Variants in DLG2 observed in about 807,000 individuals in gnomAD.
The protein encoded by DLG2 is disks large homolog 2.
Under a neutral mutation model 132.5 loss-of-function variants are expected in DLG2, and 45 were observed. The ratio of observed to expected loss-of-function variants is 0.34; its 90% CI spans 0.27 to 0.44. DLG2 has a LOEUF of 0.44. Among genes scored for constraint, DLG2 ranks in the 20% least tolerant of loss-of-function variants. DLG2 has a pLI of 1.00. For missense variants in DLG2, 1,045 were observed against 1,196.9 expected, an observed-to-expected ratio of 0.87 and a Z score of 1.87; for synonymous variants, 424 against 419.6, an observed-to-expected ratio of 1.01 and a Z score of -0.13.
chr11:85,593,086 A>T (rs994248228), intron 3 of DLG2, among the ~76,000 whole-genome samples: 4 of 152,192 alleles, frequency 2.6e-5, no homozygotes, highest in Non-Finnish European at 4.4e-5. Context: ...ACTATATTTT[A>T]AAAAGAAAAT....
chr11:85,075,146 A>C (rs867295597), intron 6 of DLG2, among the ~76,000 whole-genome samples: 1 of 151,942 alleles, frequency 6.6e-6, no homozygotes, highest in Non-Finnish European at 1.5e-5. Flanking sequence ...GTACAAATTA[A>C]AAACTTGTAT....
chr11:84,060,799 G>C (rs1003071266), intron 10 of DLG2, among the ~76,000 whole-genome samples: 1 of 151,850 alleles, frequency 6.6e-6, no homozygotes, highest in African/African-American at 2.4e-5. Flanking sequence ...GGCCTCCTTT[G>C]CTTGATGCTT....
intron 6 of DLG2, among the ~76,000 whole-genome samples, chr11:84,698,025 C>T (rs73513149): frequency 6.6e-6 from 1 of 151,302 alleles, no homozygotes; most frequent in Admixed American, 6.6e-5. Context: ...TAATGTCTAC[C>T]ATCAAAGAAG....
chr11:85,496,351 A>G (rs1231648090), intron 3 of DLG2, among the ~76,000 whole-genome samples: 1 of 152,062 alleles, frequency 6.6e-6, no homozygotes, highest in Non-Finnish European at 1.5e-5. Context: ...CAAAGGGAGG[A>G]GCATCCACCA....
intron 7 of DLG2, among the ~76,000 whole-genome samples, chr11:84,419,997 GAAC>G (rs1226778614): frequency 1.3e-5 from 2 of 152,134 alleles, no homozygotes; most frequent in African/African-American, 2.4e-5. Context: ...CATTTCACTA[GAAC>G]AACACTGGGG....
intron 4 of DLG2, among the ~76,000 whole-genome samples, chr11:85,155,900 A>G (rs1483974077): frequency 1.3e-5 from 2 of 151,910 alleles, no homozygotes; most frequent in Admixed American, 1.3e-4. Flanking sequence ...ATGCACGTTA[A>G]TGAGGAGAAA....
intron 10 of DLG2, among the ~76,000 whole-genome samples, chr11:84,061,332 A>T (rs550613846): frequency 6.6e-6 from 1 of 152,338 alleles, no homozygotes; most frequent in South Asian, 2.1e-4. Flanking sequence ...TGAACACCTA[A>T]TAAATGTTTG....
intron 6 of DLG2, among the ~76,000 whole-genome samples, chr11:85,022,565 G>A (rs907610959): frequency 6.6e-6 from 1 of 152,008 alleles, no homozygotes; most frequent in African/African-American, 2.4e-5. Context: ...GCTATACTGT[G>A]TACTAGTTAT....
chr11:85,320,311 C>T (rs1249459350), intron 3 of DLG2, among the ~76,000 whole-genome samples: 1 of 151,840 alleles, frequency 6.6e-6, no homozygotes, highest in Non-Finnish European at 1.5e-5. Context: ...AATTAAGCAG[C>T]TTGTCTAAAT....
At chr11:84,153,890 A>T (rs2095365163) in intron 9 of DLG2, among the ~76,000 whole-genome samples, 1 of 152,204 alleles carries the variant, frequency 6.6e-6, no homozygotes, top group Non-Finnish European at 1.5e-5. Flanking sequence ...GGAGGTAAGG[A>T]GACACTCTGA....
intron 21 of DLG2, among the ~76,000 whole-genome samples, chr11:83,495,461 G>T (rs1310201514): frequency 1.3e-5 from 2 of 151,992 alleles, no homozygotes; most frequent in East Asian, 3.9e-4. Context: ...GAGCTTAAGG[G>T]TCATCTCATT....
At chr11:85,056,188 G>A (rs928383887) in intron 6 of DLG2, among the ~76,000 whole-genome samples, 3 of 151,954 alleles carry the variant, frequency 2.0e-5, no homozygotes, top group Non-Finnish European at 2.9e-5. Context: ...AACCATAATC[G>A]ACATGGTTCA....
At chr11:85,396,688 A>G (rs549487830) in intron 3 of DLG2, among the ~76,000 whole-genome samples, 8 of 152,238 alleles carry the variant, frequency 5.3e-5, no homozygotes, top group Non-Finnish European at 1.2e-4. Context: ...GTAATTGAAG[A>G]TCAAATTAAT....
At chr11:84,569,002 T>C (rs1048181420) in intron 6 of DLG2, among the ~76,000 whole-genome samples, 3 of 152,100 alleles carry the variant, frequency 2.0e-5, no homozygotes, top group South Asian at 2.1e-4. Context: ...AAGAGCAAAA[T>C]TGCCCAGCCA....
intron 6 of DLG2, among the ~76,000 whole-genome samples, chr11:84,712,202 T>A (rs530351166): frequency 1.1e-4 from 16 of 152,140 alleles, no homozygotes; most frequent in African/African-American, 3.9e-4. Context: ...GTATTCTGAA[T>A]TGTACAATTC....
At chr11:84,746,812 T>C (rs1479631515) in intron 6 of DLG2, among the ~76,000 whole-genome samples, 1 of 152,108 alleles carries the variant, frequency 6.6e-6, no homozygotes, top group East Asian at 1.9e-4. Context: ...CCTGCCAATC[T>C]TTTGCCCTGG....
chr11:85,154,505 C>T (rs764572927), intron 5 of DLG2, 51 bp downstream of exon 5: 4 of 904,620 alleles, frequency 4.4e-6, no homozygotes, highest in Non-Finnish European at 6.9e-6. Context: ...AAGAACAAGA[C>T]AAGTCTTACC....
intron 12 of DLG2, among the ~76,000 whole-genome samples, chr11:83,977,283 C>T (rs2092356827): frequency 6.6e-6 from 1 of 151,866 alleles, no homozygotes; most frequent in Non-Finnish European, 1.5e-5. Context: ...TAAACGCAAC[C>T]ATCACTGCTT....
chr11:85,577,356 A>G lies in DLG2; in HGVS notation c.40+21301T>C, dbSNP rs112785586. Among the ~76,000 whole-genome samples the G allele has an allele frequency of 1.4e-3, 215 of 152,270 alleles. 2 individuals carry two copies. Among genetic ancestry groups the G allele is most frequent in the African/African-American group, 4.9e-3 (203 of 41,574 alleles). ...TCCGGACTTAACTGGAAATTCTGCCAACAAGATTTGCAAATAGATTGTATT... is the reference window on the plus strand; with the variant it reads ...TCCGGACTTAACTGGAAATTCTGCCGACAAGATTTGCAAATAGATTGTATT... On this transcript the variant is annotated intron_variant, in intron 3 of 27. Transcript: ENST00000376104.
Sources: allele counts gnomAD v4.1 joint callset (sites outside exome capture counted in the v4.1 genomes callset), GRCh38; gene constraint gnomAD v4.1.1; transcripts MANE v1.5; gene names NCBI Gene and HGNC (gene_info 2026-07-23, HGNC 2026-07-21).